The following IGF2BP2 variants were observed in gnomAD, a reference collection of about 807,000 sequenced individuals.
The protein encoded by IGF2BP2 is insulin-like growth factor 2 mRNA-binding protein 2.
In IGF2BP2, 17 loss-of-function variants were observed where a neutral mutation model predicts 75.8. The observed-to-expected ratio is 0.22, with a 90% CI of 0.15 to 0.34. IGF2BP2 has a LOEUF of 0.34. Among genes scored for constraint, IGF2BP2 ranks in the 10% least tolerant of loss-of-function variants. IGF2BP2 has a pLI of 1.00. For missense variants in IGF2BP2, 516 were observed against 772.4 expected (o/e 0.67, Z 3.93); for synonymous variants, 288 against 295.6 (o/e 0.97, Z 0.26).
intron 2 of IGF2BP2, among the ~76,000 whole-genome samples, chr3:185,816,246 C>G (rs1177934411): frequency 6.6e-6 from 1 of 152,164 alleles, no homozygotes; most frequent in Admixed American, 6.5e-5. Context: ...ATGTCAGGAA[C>G]ACAACTGCCG....
At chr3:185,714,929 A>G (rs1330525959) in intron 2 of IGF2BP2, among the ~76,000 whole-genome samples, 1 of 152,142 alleles carries the variant, frequency 6.6e-6, no homozygotes, top group Non-Finnish European at 1.5e-5. Flanking sequence ...CTTACCAAGC[A>G]TTTACTATGT....
chr3:185,651,312 T>C (rs1344870845), intron 13 of IGF2BP2, among the ~76,000 whole-genome samples: 1 of 152,236 alleles, frequency 6.6e-6, no homozygotes, highest in East Asian at 1.9e-4. Context: ...TGAATAACAT[T>C]CTGTTAAATG....
rs529836390 is a variant in IGF2BP2 at position 185,736,229 on chromosome 3, AG to A, written c.240-37883del. Among the ~76,000 whole-genome samples the A allele has an allele frequency of 3.7e-4, 56 of 152,204 alleles. No individual in the cohort carries two copies. The Middle Eastern group carries it at 0.01, about 28-fold the overall frequency. ...CTGGGCCAAGGTCACGGGGACTCGG[AG>A]GTGGGGGGGCCACTCTTTCACAGGG... On this transcript the variant is annotated intron_variant, in intron 2 of 15. Transcript: ENST00000382199.
intron 2 of IGF2BP2, among the ~76,000 whole-genome samples, 196 bp from the exon 3 acceptor site, chr3:185,698,543 G>A (rs761394327): frequency 3.9e-5 from 6 of 152,050 alleles, no homozygotes; most frequent in South Asian, 2.1e-4. Context: ...TCGCTCTGTC[G>A]CCAAGGCTGG....
intron 2 of IGF2BP2, among the ~76,000 whole-genome samples, chr3:185,706,450 G>C (rs1724033849): frequency 6.6e-6 from 1 of 152,154 alleles, no homozygotes; most frequent in African/African-American, 2.4e-5. Context: ...AAAAGTCAGT[G>C]AGTCAACGGA....
At chr3:185,730,239 A>G (rs1341648198) in intron 2 of IGF2BP2, among the ~76,000 whole-genome samples, 2 of 152,122 alleles carry the variant, frequency 1.3e-5, no homozygotes, top group Non-Finnish European at 2.9e-5. Flanking sequence ...GTTATTTCAC[A>G]TAAGATAATG....
intron 2 of IGF2BP2, among the ~76,000 whole-genome samples, chr3:185,761,281 C>G (rs1260655306): frequency 6.6e-6 from 1 of 152,106 alleles, no homozygotes; most frequent in Non-Finnish European, 1.5e-5. Flanking sequence ...GGGGCAGGAT[C>G]AGTGAAGGAA....
intron 4 of IGF2BP2, among the ~76,000 whole-genome samples, chr3:185,694,898 C>T (rs577253645): frequency 2.0e-5 from 3 of 152,126 alleles, no homozygotes; most frequent in Non-Finnish European, 4.4e-5. Context: ...GCCAGCCTGG[C>T]CAACACGGTG....
chr3:185,761,314 T>G (rs1732330552), intron 2 of IGF2BP2, among the ~76,000 whole-genome samples: 1 of 152,094 alleles, frequency 6.6e-6, no homozygotes, highest in Non-Finnish European at 1.5e-5. Context: ...CAGCTTTAGT[T>G]TAGAGAACTA....
intron 5 of IGF2BP2, among the ~76,000 whole-genome samples, chr3:185,691,380 G>T (rs901839397): frequency 1.3e-5 from 2 of 152,204 alleles, no homozygotes; most frequent in African/African-American, 4.8e-5. Flanking sequence ...TTACAGGCAT[G>T]AGCCACCACG....
At chr3:185,716,697 C>T (rs368431304) in intron 2 of IGF2BP2, 4 of 520,110 alleles carry the variant, frequency 7.7e-6, no homozygotes, top group Non-Finnish European at 1.5e-5. Context: ...TACTCAGGGC[C>T]ATGGTGGTGC....
At chr3:185,798,166 A>G (rs1243963254) in intron 2 of IGF2BP2, among the ~76,000 whole-genome samples, 1 of 151,892 alleles carries the variant, frequency 6.6e-6, no homozygotes, top group East Asian at 1.9e-4. Context: ...GCGCCACTGC[A>G]CTCCTGGGCA....
At position 185,647,458 on chromosome 3, in the gene IGF2BP2, T is replaced by C. The variant is rs1194700526; in HGVS notation, c.1594-320A>G. On this transcript the variant is annotated intron_variant, in intron 14 of 15. Transcript: ENST00000382199. The surrounding 1 kb of genome is among the most constrained non-coding windows in gnomAD (Gnocchi z 4.9). ...GCACATGCTCACAGAGACCCCAGGCTTTCCCATACCCCCCCACTCCCCACC... is the reference window on the plus strand; with the variant it reads ...GCACATGCTCACAGAGACCCCAGGCCTTCCCATACCCCCCCACTCCCCACC... 6.6e-6 allele frequency among the ~76,000 whole-genome samples: 1 copy of C among 151,808 alleles called. No homozygotes were observed. Among genetic ancestry groups the C allele is most frequent in the African/African-American group, 2.4e-5 (1 of 41,332 alleles).
chr3:185,698,419 T>G (rs1455839663), intron 2 of IGF2BP2, 72 bp from the exon 3 acceptor site: 11 of 1,388,292 alleles, frequency 7.9e-6, no homozygotes, highest in Non-Finnish European at 1.1e-5. Flanking sequence ...AAAAACCGGC[T>G]TAAACCCGTC....
intron 2 of IGF2BP2, among the ~76,000 whole-genome samples, chr3:185,769,830 CAAAAAAAAAAAAAA>C (rs35418660): frequency 1.3e-5 from 1 of 77,172 alleles, no homozygotes; most frequent in African/African-American, 4.8e-5. Context: ...ACCCTGTCTC[CAAAAAAAAAAAAAA>C]AAAAAAAAAG....
intron 8 of IGF2BP2, 90 bp downstream of exon 8, chr3:185,675,701 T>A (rs1719228712): frequency 6.8e-7 from 1 of 1,470,210 alleles, no homozygotes; most frequent in Admixed American, 2.1e-5. Context: ...TATATTCCCA[T>A]TTTAGGGAAA....
At chr3:185,689,026 T>C in intron 6 of IGF2BP2, 1 of 215,392 alleles carries the variant, frequency 4.6e-6, no homozygotes, top group East Asian at 1.2e-4. Context: ...AGAGCTATGA[T>C]GAGTGGGTTC....
chr3:185,785,022 C>A (rs1451892315), intron 2 of IGF2BP2, among the ~76,000 whole-genome samples: 1 of 152,108 alleles, frequency 6.6e-6, no homozygotes, highest in Admixed American at 6.6e-5. Flanking sequence ...TGACGTGGGA[C>A]AGGCACGGTG....
intron 2 of IGF2BP2, among the ~76,000 whole-genome samples, chr3:185,809,620 A>AC (rs918751857): frequency 6.6e-6 from 1 of 151,946 alleles, no homozygotes; most frequent in Non-Finnish European, 1.5e-5. Flanking sequence ...ACAGAGTGAG[A>AC]CCCCCTGTCA....
Sources: gnomAD v4.1 joint callset for allele counts (sites outside exome capture counted in the v4.1 genomes callset) on GRCh38, gnomAD v4.1.1 for gene constraint, Gnocchi (gnomAD v3.1) non-coding constraint, MANE v1.5 for transcripts, NCBI Gene and HGNC (gene_info 2026-07-23, HGNC 2026-07-21) for gene names.